The following MYO1D variants were observed in gnomAD, a reference collection of about 807,000 sequenced individuals.
The protein encoded by MYO1D is myosin ID, also known as unconventional myosin-Id.
MYO1D carries 83 observed loss-of-function variants against 122.0 expected under a neutral mutation model. That is an observed-to-expected ratio of 0.68 (90% CI 0.57 to 0.82). The LOEUF (loss-of-function observed/expected upper bound fraction) is 0.82. MYO1D is among the 40% of genes least tolerant of loss of function. The probability of loss-of-function intolerance (pLI) is 0.00; values close to 1 mark genes in which losing one functional copy is unlikely to be tolerated. For missense variants in MYO1D, 1,157 were observed against 1,269.5 expected (o/e 0.91, Z 1.35); for synonymous variants, 464 against 446.9 (o/e 1.04, Z -0.48).
chr17:32,705,811 G>A (rs1316089267), intron 16 of MYO1D, among the ~76,000 whole-genome samples: 1 of 152,148 alleles, frequency 6.6e-6, no homozygotes, highest in Non-Finnish European at 1.5e-5. Context: ...TTGAGTCATA[G>A]GGGCAGTTTC....
intron 19 of MYO1D, among the ~76,000 whole-genome samples, chr17:32,643,046 A>G (rs2150942645): frequency 6.6e-6 from 1 of 152,256 alleles, no homozygotes; most frequent in South Asian, 2.1e-4. Flanking sequence ...TCAGTATGAT[A>G]TTGGCTGTGG....
At chr17:32,514,460 AG>A (rs1329878016) in intron 21 of MYO1D, among the ~76,000 whole-genome samples, 2 of 152,276 alleles carry the variant, frequency 1.3e-5, no homozygotes, top group Non-Finnish European at 1.5e-5. Context: ...TATTATTTCC[AG>A]CAATCTTTAT....
intron 21 of MYO1D, among the ~76,000 whole-genome samples, chr17:32,563,204 CTCTTTTTTT>C (rs1481171333): frequency 3.1e-4 from 33 of 105,138 alleles, no homozygotes; most frequent in Non-Finnish European, 4.9e-4. Flanking sequence ...TTTTTCTTCT[CTCTTTTTTT>C]TTTTTTTTTT....
intron 19 of MYO1D, among the ~76,000 whole-genome samples, chr17:32,651,508 G>A (rs1367794997): frequency 6.6e-6 from 1 of 152,052 alleles, no homozygotes; most frequent in Non-Finnish European, 1.5e-5. Context: ...TCCTGGGACT[G>A]GAAAGTCTCT....
chr17:32,705,936 A>G (rs1429989074), intron 16 of MYO1D, among the ~76,000 whole-genome samples: 1 of 152,168 alleles, frequency 6.6e-6, no homozygotes, highest in Non-Finnish European at 1.5e-5. Flanking sequence ...ATGTTAAGAC[A>G]TGCCTTTCAC....
At chr17:32,702,398 A>T (rs1192549137) in intron 16 of MYO1D, among the ~76,000 whole-genome samples, 1 of 152,192 alleles carries the variant, frequency 6.6e-6, no homozygotes. Flanking sequence ...CTATAATTCC[A>T]CTTTGAATTC....
chr17:32,615,372 G>T (rs2087757885), intron 20 of MYO1D, among the ~76,000 whole-genome samples: 1 of 152,130 alleles, frequency 6.6e-6, no homozygotes, highest in Non-Finnish European at 1.5e-5. Context: ...CCTATGGGAA[G>T]GCAGAAAATA....
chr17:32,855,092 T>C (rs938955877), intron 1 of MYO1D, among the ~76,000 whole-genome samples: 1 of 152,222 alleles, frequency 6.6e-6, no homozygotes, highest in African/African-American at 2.4e-5. Context: ...AGGTTTATGA[T>C]GCCATATGTA....
chr17:32,602,903 A>G (rs1423056662), intron 21 of MYO1D, among the ~76,000 whole-genome samples: 1 of 152,226 alleles, frequency 6.6e-6, no homozygotes, highest in Non-Finnish European at 1.5e-5. Flanking sequence ...ATAAAGGAAA[A>G]TAGCTAGAAA....
At chr17:32,823,533 T>A (rs1177563415) in intron 1 of MYO1D, among the ~76,000 whole-genome samples, 1 of 152,170 alleles carries the variant, frequency 6.6e-6, no homozygotes, top group Non-Finnish European at 1.5e-5. Flanking sequence ...ATCAAGCCAC[T>A]GGTTGTTGGT....
At chr17:32,495,023 C>T in intron 21 of MYO1D, 108 bp from the exon 22 acceptor site, 11 of 1,336,804 alleles carry the variant, frequency 8.2e-6, no homozygotes, top group South Asian at 1.5e-5. Flanking sequence ...CTGCTTCCTC[C>T]ACAAGTGCCA....
intron 21 of MYO1D, among the ~76,000 whole-genome samples, chr17:32,519,603 GCC>G (rs991303899): frequency 6.6e-6 from 1 of 151,760 alleles, no homozygotes; most frequent in African/African-American, 2.4e-5. Context: ...CCTCCTTGCA[GCC>G]CCCCGCAGCC....
chr17:32,705,010 C>T (rs1445512306), intron 16 of MYO1D, among the ~76,000 whole-genome samples: 2 of 151,962 alleles, frequency 1.3e-5, no homozygotes, highest in Non-Finnish European at 2.9e-5. Flanking sequence ...TTTTTGCAAT[C>T]TAGATGGTTA....
intron 21 of MYO1D, among the ~76,000 whole-genome samples, chr17:32,560,561 A>C (rs1280466845): frequency 2.4e-4 from 28 of 118,196 alleles, no homozygotes; most frequent in African/African-American, 8.7e-4. Flanking sequence ...ATATATATAT[A>C]TATATATATA....
chr17:32,820,210 G>A (rs986831567), intron 1 of MYO1D, among the ~76,000 whole-genome samples: 2 of 152,126 alleles, frequency 1.3e-5, no homozygotes, highest in African/African-American at 2.4e-5. Context: ...CAGTATGTAG[G>A]TTCCTCAAAA....
At chr17:32,808,050 C>G (rs1022574025) in intron 1 of MYO1D, among the ~76,000 whole-genome samples, 4 of 152,110 alleles carry the variant, frequency 2.6e-5, no homozygotes, top group African/African-American at 9.7e-5. Context: ...CACAATTTTC[C>G]TAACCCAAAC....
At chr17:32,850,789 T>C (rs2090978981) in intron 1 of MYO1D, among the ~76,000 whole-genome samples, 1 of 152,210 alleles carries the variant, frequency 6.6e-6, no homozygotes, top group Admixed American at 6.5e-5. Flanking sequence ...TTGAGGGGAA[T>C]GGAGTCTTAT....
chr17:32,666,420 C>A (rs2088635950), intron 16 of MYO1D, among the ~76,000 whole-genome samples: 2 of 152,158 alleles, frequency 1.3e-5, no homozygotes, highest in Non-Finnish European at 2.9e-5. Context: ...ATTTTTATTC[C>A]TTTTCTGCTC....
chr17:32,557,093 G>A (rs1331038997), intron 21 of MYO1D, among the ~76,000 whole-genome samples: 3 of 151,598 alleles, frequency 2.0e-5, no homozygotes, highest in African/African-American at 7.3e-5. Flanking sequence ...AATGATGTGT[G>A]CCTTTCACTC....
Sources: allele counts gnomAD v4.1 joint callset (sites outside exome capture counted in the v4.1 genomes callset), GRCh38; gene constraint gnomAD v4.1.1; transcripts MANE v1.5; gene names NCBI Gene and HGNC (gene_info 2026-07-23, HGNC 2026-07-21).